Variants in TRDN observed in about 807,000 individuals in gnomAD.
The protein encoded by TRDN is triadin in skeletal muscle.
In TRDN, 161 loss-of-function variants were observed where a neutral mutation model predicts 149.7. That is an observed-to-expected ratio of 1.08 (90% CI 0.95 to 1.23). The LOEUF is 1.23. Among genes scored for constraint, TRDN ranks in the 50% most tolerant of loss-of-function variants. TRDN has a pLI of 0.00. For missense variants in TRDN, 896 were observed against 823.5 expected (o/e 1.09, Z -1.08); for synonymous variants, 294 against 250.5 (o/e 1.17, Z -1.64).
intron 8 of TRDN, chr6:123,502,265 CTT>C (rs1399207479): frequency 2.1e-6 from 2 of 944,130 alleles, no homozygotes; most frequent in Non-Finnish European, 2.5e-6. Flanking sequence ...TCTTTACTTA[CTT>C]CATCCTTTTT....
intron 25 of TRDN, among the ~76,000 whole-genome samples, 163 bp downstream of exon 25, chr6:123,278,893 A>G (rs1777474797): frequency 6.6e-6 from 1 of 152,222 alleles, no homozygotes; most frequent in South Asian, 2.1e-4. Context: ...TCTCAGAAAT[A>G]CATGTAAGAA....
chr6:123,517,168 G>T (rs1779450581), intron 5 of TRDN, among the ~76,000 whole-genome samples: 1 of 152,060 alleles, frequency 6.6e-6, no homozygotes, highest in African/African-American at 2.4e-5. Context: ...GAATGTTGAT[G>T]TATGAAATGA....
In TRDN at chr6:123,564,298, T is replaced by C. The variant is rs4895847; in HGVS notation, c.232+6625A>G. ...GAATCAGAGTAAGAAACACACAAAA[T>C]GTGCTCCTTGAAAACTCAGTACACA... On this transcript the variant is annotated intron_variant, in intron 2 of 40. Transcript: ENST00000334268. 7.2e-5 allele frequency among the ~76,000 whole-genome samples: 11 copies of C among 152,280 alleles called. 1 individual carries two copies. Among genetic ancestry groups the C allele is most frequent in the Admixed American group, 7.2e-4 (11 of 15,302 alleles).
In TRDN at chr6:123,218,540, T is replaced by C. The variant is rs1259; in HGVS notation, c.*61A>G. 723,981 of 1,549,128 alleles carry C rather than the reference T, an allele frequency of 0.47. 171,394 individuals are homozygous for C. Among genetic ancestry groups the C allele is most frequent in the Admixed American group, 0.61 (31,244 of 51,104 alleles). ...GCATATTCTTAATTGCCTGAACTACTGTGGACAAAACATCACATTTTTAAA... is the reference window on the plus strand; with the variant it reads ...GCATATTCTTAATTGCCTGAACTACCGTGGACAAAACATCACATTTTTAAA... On this transcript the variant is annotated 3_prime_UTR_variant, in exon 41 of 41. Transcript: ENST00000334268.
chr6:123,223,672 TCTTCCTTCCTTCCTTCCTTCCTTC>T (rs59071931), intron 39 of TRDN, among the ~76,000 whole-genome samples: 50 of 105,792 alleles, frequency 4.7e-4, no homozygotes, highest in African/African-American at 8.0e-4. Context: ...GCCTTCCATT[TCTTCCTTCCTTCCTTCCTTCCTTC>T]CTTCCTTCCT....
intron 21 of TRDN, among the ~76,000 whole-genome samples, chr6:123,346,145 A>G (rs914388798): frequency 6.6e-6 from 1 of 152,086 alleles, no homozygotes; most frequent in Non-Finnish European, 1.5e-5. Context: ...ACCATTAAAT[A>G]GAATGTTAGC....
At chr6:123,225,807 A>G (rs976858432) in intron 38 of TRDN, among the ~76,000 whole-genome samples, 5 of 151,810 alleles carry the variant, frequency 3.3e-5, no homozygotes, top group African/African-American at 4.8e-5. Context: ...CATTCAACTT[A>G]CAAGCACATA....
chr6:123,291,829 A>G (rs1778023061), intron 24 of TRDN, among the ~76,000 whole-genome samples: 1 of 152,166 alleles, frequency 6.6e-6, no homozygotes, highest in Non-Finnish European at 1.5e-5. Context: ...ATTTCTTTTG[A>G]AAGCTATGCA....
chr6:123,437,068 T>C (rs1442604177), intron 12 of TRDN, among the ~76,000 whole-genome samples: 1 of 152,008 alleles, frequency 6.6e-6, no homozygotes, highest in Non-Finnish European at 1.5e-5. Flanking sequence ...ATATTCATGT[T>C]TGAACAAGAA....
rs1362149109 is a variant in TRDN at position 123,216,665 on chromosome 6, CTATGAGA to C, written c.*1929_*1935del. 1.3e-5 allele frequency: 2 copies of C among 151,810 alleles called. No individual in the cohort carries two copies. Among genetic ancestry groups the C allele is most frequent in the Non-Finnish European group, 2.9e-5 (2 of 67,902 alleles). 9.4% of individuals were successfully genotyped at this position (151,810 alleles called of 1,614,324 possible). A position where few individuals can be genotyped will look rare whatever the true frequency, so the allele number is the denominator to read the frequency against. On this transcript the variant is annotated 3_prime_UTR_variant, in exon 41 of 41. Transcript: ENST00000334268. ...TATTTTATTTGTCTCCATGGTATTT[CTATGAGA>C]TATTAGACTGTTTGTCCCTATATCC...
At chr6:123,446,389 TAAAAG>T (rs1775358577) in intron 10 of TRDN, among the ~76,000 whole-genome samples, 2 of 151,078 alleles carry the variant, frequency 1.3e-5, no homozygotes, top group Admixed American at 1.3e-4. Context: ...AGTATAATAA[TAAAAG>T]AAAATAAATA....
At chr6:123,543,199 C>T (rs73536753) in intron 4 of TRDN, among the ~76,000 whole-genome samples, 2,395 of 152,088 alleles carry the variant, frequency 0.016, 57 homozygotes, top group African/African-American at 0.054. Context: ...TTTGCAATTA[C>T]GTAAGCTATA....
chr6:123,300,525 A>T (rs948332798), intron 24 of TRDN, among the ~76,000 whole-genome samples: 1 of 151,906 alleles, frequency 6.6e-6, no homozygotes, highest in Non-Finnish European at 1.5e-5. Flanking sequence ...TGAGATTTTA[A>T]ATCAGCTGAG....
intron 4 of TRDN, among the ~76,000 whole-genome samples, chr6:123,546,499 C>G (rs528240459): frequency 6.6e-6 from 1 of 152,160 alleles, no homozygotes; most frequent in East Asian, 1.9e-4. Flanking sequence ...GGGTTATCTT[C>G]CTGGGTAAAC....
chr6:123,433,282 A>T (rs1046989299), intron 12 of TRDN, among the ~76,000 whole-genome samples: 3 of 151,094 alleles, frequency 2.0e-5, no homozygotes, highest in African/African-American at 7.3e-5. Flanking sequence ...TAATAATCTT[A>T]TCTATTTAAA....
intron 12 of TRDN, chr6:123,429,312 A>C (rs911544820): frequency 1.3e-5 from 2 of 152,214 alleles, no homozygotes; most frequent in Non-Finnish European, 2.9e-5. Context: ...GTTATGATTA[A>C]ATGAGAAAAC....
intron 12 of TRDN, among the ~76,000 whole-genome samples, chr6:123,400,106 A>G (rs1377133976): frequency 1.3e-5 from 2 of 149,580 alleles, no homozygotes; most frequent in African/African-American, 4.9e-5. Context: ...TAATGATTTT[A>G]AAAGTCAAGA....
At chr6:123,617,244 C>G (rs1785141544) in intron 1 of TRDN, among the ~76,000 whole-genome samples, 1 of 151,994 alleles carries the variant, frequency 6.6e-6, no homozygotes, top group Non-Finnish European at 1.5e-5. Context: ...GGTCGAAGAA[C>G]CAGAGGGGTC....
chr6:123,521,278 G>C (rs938242387), intron 5 of TRDN, among the ~76,000 whole-genome samples: 3 of 152,060 alleles, frequency 2.0e-5, no homozygotes, highest in Non-Finnish European at 2.9e-5. Flanking sequence ...GACTTTATTT[G>C]GAAATAAGGT....
Sources: gnomAD v4.1 joint callset for allele counts (sites outside exome capture counted in the v4.1 genomes callset) on GRCh38, gnomAD v4.1.1 for gene constraint, MANE v1.5 for transcripts, NCBI Gene and HGNC (gene_info 2026-07-23, HGNC 2026-07-21) for gene names.